The following IL12RB2 variants were observed in gnomAD, a reference collection of about 807,000 sequenced individuals.
IL12RB2 encodes the protein interleukin-12 receptor subunit beta-2.
In IL12RB2, 82 loss-of-function variants were observed where a neutral mutation model predicts 89.4. The observed-to-expected ratio is 0.92, with a 90% CI of 0.77 to 1.10. The LOEUF (loss-of-function observed/expected upper bound fraction) is 1.10. Ranked by LOEUF, IL12RB2 falls within the 50% of genes least tolerant of loss-of-function variation. IL12RB2 has a pLI of 0.00. For missense variants in IL12RB2, 963 were observed against 1,031.9 expected, an observed-to-expected ratio of 0.93 and a Z score of 0.92; for synonymous variants, 368 against 370.1, an observed-to-expected ratio of 0.99 and a Z score of 0.07.
At chr1:67,314,046 C>T (rs2100531405) in intron 2 of IL12RB2, 46 bp downstream of exon 2, 1 of 152,274 alleles carries the variant, frequency 6.6e-6, no homozygotes, top group East Asian at 1.9e-4. Flanking sequence ...TTCTTTGCCT[C>T]ATTTAGTCAC....
chr1:67,329,808 C>A, intron 7 of IL12RB2, 79 bp downstream of exon 7: 1 of 975,422 alleles, frequency 1.0e-6, no homozygotes, highest in Non-Finnish European at 1.7e-6. Context: ...TTTCATACAG[C>A]AAAAAATAGA....
chr1:67,316,622 A>G (rs1655806730), intron 2 of IL12RB2, among the ~76,000 whole-genome samples: 1 of 152,114 alleles, frequency 6.6e-6, no homozygotes, highest in Admixed American at 6.5e-5. Flanking sequence ...CTCTAATTTC[A>G]TCACATACCA....
chr1:67,370,448 T>C (rs1663180586), intron 11 of IL12RB2, among the ~76,000 whole-genome samples: 2 of 152,208 alleles, frequency 1.3e-5, no homozygotes, highest in African/African-American at 4.8e-5. Context: ...CCTAGAGTTG[T>C]TGGGGGCCCT....
chr1:67,321,745 G>T lies in IL12RB2; in HGVS notation c.220G>T (p.Asp74Tyr), dbSNP rs201695193. The T allele has an allele frequency of 4.8e-5, 78 of 1,613,184 alleles. 1 individual carries two copies. In the East Asian group the frequency reaches 1.2e-3, roughly 26 times the overall value. Residue 74 changes from aspartate to tyrosine, a missense_variant, in exon 4 of 17, where the codon GAC becomes TAC. Coordinates refer to ENST00000674203, the MANE Select transcript of IL12RB2 (RefSeq NM_001374259.2). The part of the protein sequence containing the change: ...RRNKLILYKF[D>Y]RRINFHHGHS... ...TAACAAGTTAATCCTGTACAAGTTT[G>T]ACAGAAGAATCAATTTTCACCATGG... is the stretch of plus-strand genomic sequence containing the variant.
chr1:67,318,695 T>A (rs753494167), intron 2 of IL12RB2, among the ~76,000 whole-genome samples: 1 of 151,890 alleles, frequency 6.6e-6, no homozygotes, highest in Non-Finnish European at 1.5e-5. Context: ...GGAGAAAGGG[T>A]GCCAAGAATT....
chr1:67,392,489 A>G (rs1234036880), intron 16 of IL12RB2, among the ~76,000 whole-genome samples: 1 of 152,172 alleles, frequency 6.6e-6, no homozygotes, highest in African/African-American at 2.4e-5. Flanking sequence ...CATCTGCAGC[A>G]TGGGCACAGG....
intron 9 of IL12RB2, among the ~76,000 whole-genome samples, chr1:67,349,940 G>A (rs1209586815): frequency 1.3e-5 from 2 of 152,164 alleles, no homozygotes; most frequent in Non-Finnish European, 2.9e-5. Context: ...ACAGATAATC[G>A]ACAGAGGAAA....
At chr1:67,317,362 C>T (rs764613801) in intron 2 of IL12RB2, among the ~76,000 whole-genome samples, 4 of 152,226 alleles carry the variant, frequency 2.6e-5, no homozygotes, top group Non-Finnish European at 5.9e-5. Context: ...ACAAGAAACA[C>T]ATTTTATGTA....
chr1:67,321,803 C>G lies in IL12RB2; in HGVS notation c.278C>G (p.Pro93Arg). 2 of 1,611,804 alleles carry G rather than the reference C, an allele frequency of 1.2e-6. No individual in the cohort carries two copies. The highest frequency in any genetic ancestry group is 1.7e-6 in the Non-Finnish European group (2 of 1,177,968). The part of the protein sequence containing the change: ...HSLNSQVTGL[P>R]LGTTLFVCKL... The stretch of plus-strand genomic sequence containing the variant: ...CTCAATTCTCAAGTCACAGGTCTTC[C>G]CCTTGGTACAACCTTGTTTGTCTGC... The change falls in exon 4 of 17, where the codon CCC (proline) becomes CGC (arginine). Residue 93 changes from proline (P) to arginine (R), a missense_variant. By Grantham distance (103) the Pro-to-Arg change is moderately radical. Coordinates refer to ENST00000674203, the MANE Select transcript of IL12RB2 (RefSeq NM_001374259.2).
At chr1:67,364,355 C>T (rs994625220) in intron 10 of IL12RB2, among the ~76,000 whole-genome samples, 32 of 152,164 alleles carry the variant, frequency 2.1e-4, no homozygotes, top group Admixed American at 1.1e-3. Context: ...TGCACCACTG[C>T]ACTCCAGCCT....
intron 11 of IL12RB2, among the ~76,000 whole-genome samples, chr1:67,370,021 G>A (rs1427827893): frequency 8.9e-4 from 112 of 125,384 alleles, no homozygotes; most frequent in Middle Eastern, 4.2e-3. Context: ...GACTCCATCT[G>A]AAAAAAAAAA....
chr1:67,317,151 G>A (rs1655882427), intron 2 of IL12RB2, among the ~76,000 whole-genome samples: 1 of 152,172 alleles, frequency 6.6e-6, no homozygotes, highest in African/African-American at 2.4e-5. Context: ...GAATAGGCAT[G>A]GGACGGGCAG....
At chr1:67,351,325 C>G (rs927935716) in intron 10 of IL12RB2, among the ~76,000 whole-genome samples, 14 of 152,102 alleles carry the variant, frequency 9.2e-5, no homozygotes, top group African/African-American at 3.4e-4. Context: ...ATTATATTGC[C>G]TGTCTCATAG....
At chr1:67,385,544 T>A (rs1665040693) in intron 14 of IL12RB2, among the ~76,000 whole-genome samples, 1 of 152,230 alleles carries the variant, frequency 6.6e-6, no homozygotes, top group South Asian at 2.1e-4. Flanking sequence ...ATCTGTATCC[T>A]ATACTACATT....
intron 10 of IL12RB2, among the ~76,000 whole-genome samples, chr1:67,359,089 C>G (rs1353893187): frequency 1.3e-5 from 2 of 151,952 alleles, no homozygotes; most frequent in Non-Finnish European, 2.9e-5. Context: ...TGCAGTGAGC[C>G]AAGATTGTGC....
At chr1:67,333,893 C>T (rs1658424546) in intron 8 of IL12RB2, among the ~76,000 whole-genome samples, 1 of 152,196 alleles carries the variant, frequency 6.6e-6, no homozygotes, top group Non-Finnish European at 1.5e-5. Flanking sequence ...TTCCTTAGAG[C>T]TATGTTACCA....
intron 9 of IL12RB2, among the ~76,000 whole-genome samples, chr1:67,341,529 G>GAGATAGAAAGAA (rs1553314365): frequency 2.7e-5 from 3 of 110,690 alleles, no homozygotes; most frequent in East Asian, 5.5e-4. Context: ...AAAAAAGAAA[G>GAGATAGAAAGAA]AGAAAGAAAG....
chr1:67,335,253 G>A (rs1658616702), intron 8 of IL12RB2, among the ~76,000 whole-genome samples: 1 of 152,200 alleles, frequency 6.6e-6, no homozygotes, highest in Admixed American at 6.5e-5. Flanking sequence ...GGAAGGTGGG[G>A]ATAATGACTG....
rs771467690 is a variant in IL12RB2, at chr1:67,367,910, C to T, written c.1344C>T (p.Pro448=). The T allele has an allele frequency of 6.2e-7, 1 of 1,607,464 alleles. No individual in the cohort carries two copies. Among genetic ancestry groups the T allele is most frequent in the Non-Finnish European group, 8.5e-7 (1 of 1,173,876 alleles). ...LVTWQPPRKD[P]SAVQEYVVEW... ...CTTGGCAGCCTCCCAGGAAAGATCC[C>T]TCTGCTGTTCAGGAGTACGTGGTGG... The change falls in exon 11 of 17, where the codon CCC becomes CCT. Residue 448 remains proline (P), a synonymous_variant. Coordinates refer to ENST00000674203, the MANE Select transcript of IL12RB2 (RefSeq NM_001374259.2).
Sources: allele counts gnomAD v4.1 joint callset (sites outside exome capture counted in the v4.1 genomes callset), GRCh38; gene constraint gnomAD v4.1.1; transcripts MANE v1.5; gene names NCBI Gene and HGNC (gene_info 2026-07-23, HGNC 2026-07-21).